NRCAM: variants seen among roughly 807,000 people sequenced by gnomAD.
NRCAM encodes the protein neuronal cell adhesion molecule.
A neutral mutation model predicts 156.5 loss-of-function variants in NRCAM; 83 were observed. That is an observed-to-expected ratio of 0.53 (90% CI 0.44 to 0.64). The LOEUF is 0.64. Among genes scored for constraint, NRCAM ranks in the 30% least tolerant of loss-of-function variants. The pLI, the probability that NRCAM is intolerant of heterozygous loss-of-function variation, is 0.00. For missense variants in NRCAM, 1,417 were observed against 1,597.3 expected (o/e 0.89, Z 1.92); for synonymous variants, 538 against 563.9 (o/e 0.95, Z 0.65).
intron 13 of NRCAM, among the ~76,000 whole-genome samples, chr7:108,203,527 C>T (rs1237740428): frequency 6.6e-6 from 1 of 151,808 alleles, no homozygotes; most frequent in Non-Finnish European, 1.5e-5. Flanking sequence ...GCTAAAAGAA[C>T]CCTTCTTACC....
intron 1 of NRCAM, among the ~76,000 whole-genome samples, chr7:108,404,756 T>C (rs2099802603): frequency 6.6e-6 from 1 of 152,208 alleles, no homozygotes; most frequent in Non-Finnish European, 1.5e-5. Flanking sequence ...AGAGGACTAA[T>C]GGTCCAAGGT....
rs1402003318 is a variant in NRCAM at position 108,182,718 on chromosome 7, A to C, written c.2507T>G (p.Val836Gly). Residue 836 changes from valine (V) to glycine (G), a missense_variant, in exon 23 of 33, where the codon GTC (valine) becomes GGC (glycine). Coordinates refer to ENST00000379028, the MANE Select transcript of NRCAM (RefSeq NM_001037132.4). Reference sequence around the variant, plus strand: ...ACGGTCTTCTCCAGAATGTCCCATGACTACAGCTGGCTCGGGGGCAAACCC... The same window carrying C: ...ACGGTCTTCTCCAGAATGTCCCATGCCTACAGCTGGCTCGGGGGCAAACCC... ...DMGFAPEPAV[V>G]MGHSGEDLPM... is the part of the protein sequence containing the mutation. The C allele has an allele frequency of 6.2e-7, 1 of 1,614,224 alleles. No individual in the cohort carries two copies. Among genetic ancestry groups the C allele is most frequent in the South Asian group, 1.1e-5 (1 of 91,088 alleles).
chr7:108,299,409 C>T (rs2098544678), intron 3 of NRCAM, among the ~76,000 whole-genome samples: 1 of 152,094 alleles, frequency 6.6e-6, no homozygotes, highest in Non-Finnish European at 1.5e-5. Flanking sequence ...GGACAAAGGT[C>T]AGACCTGTGA....
At chr7:108,405,670 G>C (rs2099805219) in intron 1 of NRCAM, among the ~76,000 whole-genome samples, 1 of 152,134 alleles carries the variant, frequency 6.6e-6, no homozygotes. Flanking sequence ...CAAAGAGGAG[G>C]GAAAGCCACT....
intron 1 of NRCAM, among the ~76,000 whole-genome samples, chr7:108,448,138 C>A (rs1306821326): frequency 1.3e-5 from 2 of 152,164 alleles, no homozygotes; most frequent in Non-Finnish European, 2.9e-5. Flanking sequence ...TAAACCCCAG[C>A]ACATCTATTA....
chr7:108,236,918 G>A (rs1426667253), intron 5 of NRCAM, among the ~76,000 whole-genome samples: 1 of 152,084 alleles, frequency 6.6e-6, no homozygotes, highest in African/African-American at 2.4e-5. Context: ...TGGCTTCAGA[G>A]GCAGAGCTTC....
At position 108,154,982 on chromosome 7, in the gene NRCAM, C is replaced by T. The variant is rs191735752; in HGVS notation, c.3677+4481G>A. Among the ~76,000 whole-genome samples, 214 of 151,670 alleles carry T rather than the reference C, an allele frequency of 1.4e-3. 1 individual carries two copies. The highest frequency in any genetic ancestry group is 4.9e-3 in the African/African-American group (202 of 41,428). ...AATTTTGTAATGAAATAGTAAATAA[C>T]TTTTTGACATTGTATTCAGTGAAGT... On this transcript the variant is annotated intron_variant, in intron 32 of 32. Transcript: ENST00000379028.
At chr7:108,372,374 CAA>C (rs71137625) in intron 2 of NRCAM, among the ~76,000 whole-genome samples, 3 of 55,354 alleles carry the variant, frequency 5.4e-5, no homozygotes, top group Admixed American at 1.2e-4. Flanking sequence ...ACAACAACAA[CAA>C]AAAATCTGTA....
rs1393869125 is a variant in NRCAM at position 108,166,916 on chromosome 7, C to T, written c.3466+5G>A. ...GAGCCAGAACAGGTGTGGTGTGAGC[C>T]TCACCTGGGCCTGTCTCAAACACAT... On this transcript the variant is annotated splice_donor_5th_base_variant and intron_variant, in intron 30 of 32. Transcript: ENST00000379028. 1.3e-5 allele frequency: 21 copies of T among 1,613,528 alleles called. No homozygotes were observed. The highest frequency in any genetic ancestry group is 1.8e-5 in the Non-Finnish European group (21 of 1,179,728).
intron 8 of NRCAM, among the ~76,000 whole-genome samples, chr7:108,227,727 A>G (rs2093703598): frequency 6.6e-6 from 1 of 152,146 alleles, no homozygotes; most frequent in Non-Finnish European, 1.5e-5. Flanking sequence ...AACTGAAAAA[A>G]GTCACACATC....
chr7:108,261,645 A>G (rs1434780268), intron 3 of NRCAM, among the ~76,000 whole-genome samples: 1 of 152,138 alleles, frequency 6.6e-6, no homozygotes, highest in East Asian at 1.9e-4. Context: ...CACCACTTCA[A>G]AGTCCTCTTG....
chr7:108,239,409 G>C (rs1476763433), intron 4 of NRCAM, among the ~76,000 whole-genome samples: 1 of 152,104 alleles, frequency 6.6e-6, no homozygotes, highest in Non-Finnish European at 1.5e-5. Context: ...TTATATTTAG[G>C]ATTCAAAATT....
chr7:108,207,175 T>G (rs1021572502), intron 13 of NRCAM: 2 of 190,318 alleles, frequency 1.1e-5, no homozygotes, highest in Non-Finnish European at 2.2e-5. Flanking sequence ...TCTCCTCTAG[T>G]GCCTGTGACA....
intron 31 of NRCAM, 85 bp downstream of exon 31, chr7:108,160,275 CA>C: frequency 7.5e-7 from 1 of 1,338,326 alleles, no homozygotes; most frequent in South Asian, 1.3e-5. Flanking sequence ...CAAAATATTA[CA>C]ATCTACATGA....
At chr7:108,331,272 C>T (rs994060130) in intron 2 of NRCAM, among the ~76,000 whole-genome samples, 1 of 151,844 alleles carries the variant, frequency 6.6e-6, no homozygotes, top group African/African-American at 2.4e-5. Flanking sequence ...GTGGTGCACA[C>T]CTGTAATAGT....
At chr7:108,234,532 AGATTTCCT>A in intron 6 of NRCAM, 43 bp downstream of exon 6, 1 of 1,097,210 alleles carries the variant, frequency 9.1e-7, no homozygotes, top group Non-Finnish European at 1.4e-6. Flanking sequence ...CTATTCAGAG[AGATTTCCT>A]GATTTATTCT....
chr7:108,412,332 G>A (rs1309610674), intron 1 of NRCAM, among the ~76,000 whole-genome samples: 3 of 151,702 alleles, frequency 2.0e-5, no homozygotes, highest in South Asian at 4.2e-4. Context: ...CAAACCTGGC[G>A]TTTTGCTCAG....
chr7:108,353,374 A>G (rs983793489), intron 2 of NRCAM, among the ~76,000 whole-genome samples: 1 of 150,168 alleles, frequency 6.7e-6, no homozygotes, highest in African/African-American at 2.5e-5. Flanking sequence ...TTATTTTGAG[A>G]CAGGGTCTCA....
chr7:108,426,773 G>A (rs1169904034), intron 1 of NRCAM, among the ~76,000 whole-genome samples: 3 of 152,148 alleles, frequency 2.0e-5, no homozygotes, highest in African/African-American at 7.2e-5. Context: ...TGTAAAACCA[G>A]ACTTCAAAAG....
Sources: allele counts gnomAD v4.1 joint callset (sites outside exome capture counted in the v4.1 genomes callset), GRCh38; gene constraint gnomAD v4.1.1; transcripts MANE v1.5; gene names NCBI Gene and HGNC (gene_info 2026-07-23, HGNC 2026-07-21).